CAMTA1: variants seen among roughly 807,000 people sequenced by gnomAD.
CAMTA1 encodes calmodulin binding transcription activator 1, also known as calmodulin-binding transcription activator 1.
In CAMTA1, 27 loss-of-function variants were observed where a neutral mutation model predicts 170.9. That is an observed-to-expected ratio of 0.16 (90% CI 0.12 to 0.22). The LOEUF is 0.22. CAMTA1 is among the 10% of genes least tolerant of loss of function. The pLI is 1.00. For missense variants in CAMTA1, 1,619 were observed against 2,217.2 expected (o/e 0.73, Z 5.42); for synonymous variants, 833 against 891.5 (o/e 0.93, Z 1.17).
At chr1:7,737,886 G>C in intron 15 of CAMTA1, 73 bp from the exon 16 acceptor site, 2 of 1,462,324 alleles carry the variant, frequency 1.4e-6, no homozygotes, top group Admixed American at 2.1e-5. Context: ...CTCAGGCATA[G>C]AGAAAGTGTT....
At chr1:7,356,290 T>G (rs1301326994) in intron 5 of CAMTA1, among the ~76,000 whole-genome samples, 1 of 152,238 alleles carries the variant, frequency 6.6e-6, no homozygotes, top group Non-Finnish European at 1.5e-5. Context: ...GTGGAGGCCT[T>G]GGGCAGGGCT....
intron 3 of CAMTA1, among the ~76,000 whole-genome samples, chr1:6,989,814 T>G (rs551142906): frequency 2.2e-4 from 33 of 152,324 alleles, no homozygotes; most frequent in Non-Finnish European, 1.5e-5. Context: ...ACATTTCCAT[T>G]ACCTAGACCT....
rs146126760 is a variant in CAMTA1, at chr1:7,293,931, A to T, written c.438+44305A>T. 6.6e-6 allele frequency among the ~76,000 whole-genome samples: 1 copy of T among 152,310 alleles called. No individual in the cohort carries two copies. Among genetic ancestry groups the T allele is most frequent in the East Asian group, 1.9e-4 (1 of 5,174 alleles). On this transcript the variant is annotated intron_variant, in intron 5 of 22. Transcript: ENST00000303635. The surrounding 1 kb of genome is among the most constrained non-coding windows in gnomAD (Gnocchi z 4.1). ...TGTAATCCTTTTTCTGCTTCGTGCT[A>T]GCAGCCTCGCACTTCCCACCTGTTA...
intron 3 of CAMTA1, chr1:6,886,425 C>G: frequency 2.6e-6 from 1 of 384,014 alleles, no homozygotes; most frequent in Non-Finnish European, 5.1e-6. Flanking sequence ...AGTTGAATAA[C>G]TACTAGGGAA....
In CAMTA1 at chr1:7,562,135, C is replaced by A. The variant is rs532068781; in HGVS notation, c.511-78265C>A. ...TGCCTATCTCCTGCCAGCCTCACTA[C>A]CCGCACCAGGATTCACGGGTTGCAG... is the stretch of plus-strand genomic sequence containing the variant. On this transcript the variant is annotated intron_variant, in intron 6 of 22. Transcript: ENST00000303635. The surrounding 1 kb of genome is among the most constrained non-coding windows in gnomAD (Gnocchi z 4.8). 2.0e-5 allele frequency among the ~76,000 whole-genome samples: 3 copies of A among 152,294 alleles called. No individual in the cohort carries two copies. Among genetic ancestry groups the A allele is most frequent in the East Asian group, 1.9e-4 (1 of 5,178 alleles).
chr1:7,545,349 T>G (rs1557891033), intron 6 of CAMTA1, among the ~76,000 whole-genome samples: 1 of 152,242 alleles, frequency 6.6e-6, no homozygotes, highest in Non-Finnish European at 1.5e-5. Context: ...ATCAGAACTC[T>G]CAAATCAGGA....
intron 4 of CAMTA1, among the ~76,000 whole-genome samples, chr1:7,202,855 G>A (rs1310601961): frequency 1.3e-5 from 2 of 152,018 alleles, no homozygotes; most frequent in Non-Finnish European, 2.9e-5. Context: ...TTTCCAACCC[G>A]GAGGTCTTTT....
intron 5 of CAMTA1, among the ~76,000 whole-genome samples, chr1:7,309,526 C>T (rs565538191): frequency 2.6e-5 from 4 of 151,740 alleles, no homozygotes; most frequent in Admixed American, 1.3e-4. Flanking sequence ...GTCTCGATCT[C>T]CTGACCTCGT....
intron 5 of CAMTA1, among the ~76,000 whole-genome samples, chr1:7,384,795 T>A (rs2087742808): frequency 6.6e-6 from 1 of 152,124 alleles, no homozygotes; most frequent in Non-Finnish European, 1.5e-5. Flanking sequence ...GGAGATGAGT[T>A]CCTGGCAAGG....
chr1:7,124,082 G>C (rs1293921630), intron 4 of CAMTA1, among the ~76,000 whole-genome samples: 1 of 152,172 alleles, frequency 6.6e-6, no homozygotes, highest in East Asian at 1.9e-4. Flanking sequence ...GGTGTTTCCA[G>C]GTAGCCTGCT....
At chr1:7,171,682 G>A (rs1398885679) in intron 4 of CAMTA1, among the ~76,000 whole-genome samples, 1 of 152,210 alleles carries the variant, frequency 6.6e-6, no homozygotes, top group Non-Finnish European at 1.5e-5. Flanking sequence ...CGTCCACGAT[G>A]TTGCGCAGTC....
chr1:7,756,174 A>G (rs1014929440), intron 22 of CAMTA1, among the ~76,000 whole-genome samples: 1 of 151,446 alleles, frequency 6.6e-6, no homozygotes, highest in Non-Finnish European at 1.5e-5. Context: ...CTGTTTCCCT[A>G]TACCCTGCTC....
chr1:7,339,604 T>C (rs1028730776), intron 5 of CAMTA1, among the ~76,000 whole-genome samples: 22 of 152,142 alleles, frequency 1.4e-4, no homozygotes, highest in Admixed American at 1.0e-3. Context: ...GTTTTTTTGT[T>C]TTTGTTTTTG....
intron 3 of CAMTA1, among the ~76,000 whole-genome samples, chr1:6,976,899 A>G (rs917616196): frequency 3.9e-5 from 6 of 152,294 alleles, no homozygotes; most frequent in African/African-American, 1.4e-4. Flanking sequence ...GTGATAGTGA[A>G]TAAGTCTCAC....
In CAMTA1 at chr1:7,642,546, G is replaced by T. The variant is rs991990603; in HGVS notation, c.664+1993G>T. ...ACCTCACTATGCAGGGCTGGCACCGGACACTGGGTCCTGCCTAGACCCCGC... is the reference window on the plus strand; with the variant it reads ...ACCTCACTATGCAGGGCTGGCACCGTACACTGGGTCCTGCCTAGACCCCGC... On this transcript the variant is annotated intron_variant, in intron 7 of 22. Coordinates refer to ENST00000303635, the MANE Select transcript of CAMTA1 (RefSeq NM_015215.4). The surrounding 1 kb of genome is among the most constrained non-coding windows in gnomAD (Gnocchi z 6.3). 2.0e-5 allele frequency among the ~76,000 whole-genome samples: 3 copies of T among 152,146 alleles called. No homozygotes were observed. Among genetic ancestry groups the T allele is most frequent in the Non-Finnish European group, 4.4e-5 (3 of 67,996 alleles).
Position 7,093,951 on chromosome 1 carries a change from G to A in CAMTA1, c.302+2580G>A, listed in dbSNP as rs1267020186. ...CACGATGAGGATTGAATGTGGTCACGTTTCTGATTCTGCTTCCCATGCCGT... is the reference window on the plus strand; with the variant it reads ...CACGATGAGGATTGAATGTGGTCACATTTCTGATTCTGCTTCCCATGCCGT... On this transcript the variant is annotated intron_variant, in intron 4 of 22. Coordinates refer to ENST00000303635, the MANE Select transcript of CAMTA1 (RefSeq NM_015215.4). This position sits in a 1 kb window ranked among gnomAD's most constrained non-coding sequence, Gnocchi z 4.6. Among the ~76,000 whole-genome samples, 1 of 152,178 alleles carries A rather than the reference G, an allele frequency of 6.6e-6. No individual in the cohort carries two copies. Among genetic ancestry groups the A allele is most frequent in the East Asian group, 1.9e-4 (1 of 5,202 alleles).
At chr1:6,792,795 C>T (rs1236669575) in intron 1 of CAMTA1, among the ~76,000 whole-genome samples, 1 of 152,070 alleles carries the variant, frequency 6.6e-6, no homozygotes, top group Non-Finnish European at 1.5e-5. Flanking sequence ...GTAACATATC[C>T]TTTCCTGAGA....
Position 7,027,027 on chromosome 1 carries a change from C to T in CAMTA1, c.235-64277C>T, listed in dbSNP as rs541852299. Among the ~76,000 whole-genome samples the T allele has an allele frequency of 1.5e-3, 221 of 152,126 alleles. 1 individual carries two copies. Among genetic ancestry groups the T allele is most frequent in the Admixed American group, 2.6e-3 (39 of 15,280 alleles). The stretch of plus-strand genomic sequence containing the variant: ...TTTATGGTGGTGGCTTTTCTTGAGA[C>T]GTGGCAGAGTCAGGCCTGGGCTGGA... On this transcript the variant is annotated intron_variant, in intron 3 of 22. Transcript: ENST00000303635.
intron 4 of CAMTA1, among the ~76,000 whole-genome samples, chr1:7,148,210 A>C (rs963154306): frequency 6.7e-6 from 1 of 150,064 alleles, no homozygotes; most frequent in Non-Finnish European, 1.5e-5. Flanking sequence ...ATGTAGACAC[A>C]CACTCATACA....
Sources: gnomAD v4.1 joint callset for allele counts (sites outside exome capture counted in the v4.1 genomes callset) on GRCh38, gnomAD v4.1.1 for gene constraint, Gnocchi (gnomAD v3.1) non-coding constraint, MANE v1.5 for transcripts, NCBI Gene and HGNC (gene_info 2026-07-23, HGNC 2026-07-21) for gene names.